HHAT: variants seen among roughly 807,000 people sequenced by gnomAD.
The protein encoded by HHAT is protein-cysteine N-palmitoyltransferase HHAT.
In HHAT, 47 loss-of-function variants were observed where a neutral mutation model predicts 70.8. That is an observed-to-expected ratio of 0.66 (90% CI 0.53 to 0.85). The LOEUF (loss-of-function observed/expected upper bound fraction) is 0.85, where lower values mean the gene tolerates loss of function less well. HHAT is among the 40% of genes least tolerant of loss of function. The pLI is 0.00. For synonymous variants in HHAT, 228 were observed against 247.6 expected, an observed-to-expected ratio of 0.92 and a Z score of 0.74; for missense variants, 609 against 604.8, an observed-to-expected ratio of 1.01 and a Z score of -0.07.
Position 210,387,633 on chromosome 1 carries a change from G to C in HHAT, c.273+52G>C, listed in dbSNP as rs756859987. The C allele has an allele frequency of 2.1e-6, 3 of 1,417,072 alleles. No individual in the cohort carries two copies. In the African/African-American group the frequency reaches 4.2e-5, roughly 20 times the overall value. 87.8% of individuals were successfully genotyped at this position (1,417,072 alleles called of 1,614,324 possible). ...TAAGTGTGTTTTTCCTTTGCTTCTT[G>C]TGAAGAAAGAGTCCAAGCTAGGAAT... On this transcript the variant is annotated intron_variant, in intron 4 of 11. Coordinates refer to ENST00000261458, the MANE Select transcript of HHAT (RefSeq NM_018194.6).
At chr1:210,616,516 T>C (rs1383416750) in intron 10 of HHAT, among the ~76,000 whole-genome samples, 3 of 152,230 alleles carry the variant, frequency 2.0e-5, no homozygotes, top group Admixed American at 2.0e-4. Context: ...TGAAGACATA[T>C]GGCATTTGAA....
At chr1:210,368,799 C>T (rs187440575) in intron 3 of HHAT, among the ~76,000 whole-genome samples, 75 of 151,924 alleles carry the variant, frequency 4.9e-4, no homozygotes, top group African/African-American at 1.5e-3. Context: ...GATTCTTGGT[C>T]GGGCACAGTG....
At chr1:210,375,411 C>T (rs1288894494) in intron 3 of HHAT, among the ~76,000 whole-genome samples, 1 of 152,116 alleles carries the variant, frequency 6.6e-6, no homozygotes, top group Non-Finnish European at 1.5e-5. Context: ...TCTACTTTAT[C>T]TGCCATTGGT....
chr1:210,605,196 A>G (rs1665131789), intron 10 of HHAT, among the ~76,000 whole-genome samples: 1 of 152,182 alleles, frequency 6.6e-6, no homozygotes. Context: ...CCTCCAGGGT[A>G]GGTGTTACTA....
chr1:210,519,413 T>C (rs770544811), intron 9 of HHAT, among the ~76,000 whole-genome samples: 1 of 152,210 alleles, frequency 6.6e-6, no homozygotes, highest in Non-Finnish European at 1.5e-5. Context: ...TCTTAATTTT[T>C]TGAGGAACCT....
intron 11 of HHAT, among the ~76,000 whole-genome samples, chr1:210,654,083 GTAGTGTGACAGGAA>G (rs1558363461): frequency 2.7e-3 from 1 of 364 alleles, no homozygotes; most frequent in Non-Finnish European, 0.017. Context: ...TGTGACGGGA[GTAGTGTGACAGGAA>G]TAGTGTGACA....
intron 7 of HHAT, among the ~76,000 whole-genome samples, chr1:210,421,049 A>G (rs1376202878): frequency 1.3e-5 from 2 of 152,188 alleles, no homozygotes; most frequent in African/African-American, 2.4e-5. Flanking sequence ...TCTCACCAAC[A>G]CTTGATACTA....
intron 3 of HHAT, chr1:210,374,103 A>G (rs1186629677): frequency 6.6e-6 from 1 of 150,940 alleles, no homozygotes; most frequent in Non-Finnish European, 1.5e-5. Flanking sequence ...CTTAAGCCTA[A>G]AGTTGCACCA....
intron 10 of HHAT, chr1:210,589,209 A>C (rs927236489): frequency 6.6e-6 from 1 of 152,238 alleles, no homozygotes; most frequent in African/African-American, 2.4e-5. Flanking sequence ...GCCCTGTCAA[A>C]ACAGAATACA....
intron 9 of HHAT, among the ~76,000 whole-genome samples, chr1:210,565,015 T>C (rs563769260): frequency 2.0e-5 from 3 of 152,300 alleles, no homozygotes; most frequent in East Asian, 3.9e-4. Flanking sequence ...AGTGCATCTT[T>C]AGGTTAAGGA....
At chr1:210,393,708 A>G (rs1428861840) in intron 4 of HHAT, among the ~76,000 whole-genome samples, 2 of 152,148 alleles carry the variant, frequency 1.3e-5, no homozygotes, top group Non-Finnish European at 2.9e-5. Context: ...AGTAGGAGGT[A>G]TTCCTTTGCA....
At chr1:210,387,437 TC>T (rs2091164127) in intron 3 of HHAT, 30 bp from the exon 4 acceptor site, 1 of 1,559,478 alleles carries the variant, frequency 6.4e-7, no homozygotes, top group African/African-American at 1.4e-5. Context: ...TGTACTGAAA[TC>T]CCTCTGATAA....
chr1:210,356,977 G>C lies in HHAT; in HGVS notation c.92-5875G>C, dbSNP rs181098751. On this transcript the variant is annotated intron_variant, in intron 2 of 11. Transcript: ENST00000261458. ...AAGACCCAATTGAACTTCTCCTGTA[G>C]GAGCTGGGAACTGGACAGCCTGTCT... 3.9e-5 allele frequency among the ~76,000 whole-genome samples: 6 copies of C among 152,382 alleles called. No homozygotes were observed. The East Asian group carries it at 1.2e-3, about 29-fold the overall frequency.
chr1:210,329,362 C>G, intron 1 of HHAT: 1 of 1,184,356 alleles, frequency 8.4e-7, no homozygotes, highest in Middle Eastern at 3.3e-4. Context: ...GCCCTGCCCA[C>G]GTCCTCTCTC....
intron 7 of HHAT, among the ~76,000 whole-genome samples, chr1:210,425,079 T>C (rs1221167378): frequency 6.6e-6 from 1 of 152,220 alleles, no homozygotes; most frequent in East Asian, 1.9e-4. Context: ...TGGTTTTGAT[T>C]TGCATTTCTC....
At chr1:210,332,919 A>C (rs2085122346) in intron 1 of HHAT, among the ~76,000 whole-genome samples, 1 of 152,196 alleles carries the variant, frequency 6.6e-6, no homozygotes, top group Admixed American at 6.5e-5. Flanking sequence ...GAAGCTTACC[A>C]GTGATGTTTG....
intron 11 of HHAT, among the ~76,000 whole-genome samples, chr1:210,642,016 A>AT (rs550333375): frequency 5.9e-5 from 9 of 152,070 alleles, no homozygotes; most frequent in Non-Finnish European, 1.2e-4. Flanking sequence ...AGATTTCTGT[A>AT]TTTTTTTAAA....
chr1:210,595,407 A>G (rs1662741476), intron 10 of HHAT, among the ~76,000 whole-genome samples: 8 of 152,204 alleles, frequency 5.3e-5, no homozygotes. Context: ...GCTATTGTGA[A>G]TAGTGCCGCA....
At chr1:210,642,270 T>C (rs1036169256) in intron 11 of HHAT, among the ~76,000 whole-genome samples, 3 of 152,246 alleles carry the variant, frequency 2.0e-5, no homozygotes, top group Non-Finnish European at 4.4e-5. Flanking sequence ...TATTTCGTTG[T>C]GTGAACATAC....
Sources: allele counts gnomAD v4.1 joint callset (sites outside exome capture counted in the v4.1 genomes callset), GRCh38; gene constraint gnomAD v4.1.1; transcripts MANE v1.5; gene names NCBI Gene and HGNC (gene_info 2026-07-23, HGNC 2026-07-21).